The following SPOPL variants were observed in gnomAD, a reference collection of about 807,000 sequenced individuals.
The protein encoded by SPOPL is speckle type BTB/POZ protein like.
Under a neutral mutation model 53.8 loss-of-function variants are expected in SPOPL, and 23 were observed. The ratio of observed to expected loss-of-function variants is 0.43; its 90% CI spans 0.31 to 0.61. SPOPL has a LOEUF of 0.61. SPOPL is among the 20% of genes least tolerant of loss of function. The pLI is 0.12. For synonymous variants in SPOPL, 164 were observed against 149.7 expected, an observed-to-expected ratio of 1.10 and a Z score of -0.70; for missense variants, 442 against 466.9, an observed-to-expected ratio of 0.95 and a Z score of 0.49.
At position 138,572,370 on chromosome 2, in the gene SPOPL, C is replaced by T. The variant is rs1685806168; in HGVS notation, c.*3290C>T. 1 of 152,070 alleles carries T rather than the reference C, an allele frequency of 6.6e-6. No individual in the cohort carries two copies. Among genetic ancestry groups the T allele is most frequent in the South Asian group, 2.1e-4 (1 of 4,800 alleles). The allele number at this position is 152,070 out of a possible 1,614,324, so 9.4% of individuals were successfully genotyped here. ...GGATCTAAATAAGAGCTTAGATGGC[C>T]AAAATTAGAATTAATAATATACCCA... On this transcript the variant is annotated 3_prime_UTR_variant, in exon 11 of 11. Coordinates refer to ENST00000280098, the MANE Select transcript of SPOPL (RefSeq NM_001001664.3).
At chr2:138,552,829 A>G (rs1685342376) in intron 5 of SPOPL, 148 bp downstream of exon 5, 5 of 973,058 alleles carry the variant, frequency 5.1e-6, no homozygotes, top group Non-Finnish European at 1.5e-6. Context: ...AAGCTTAGAA[A>G]ATTCTTGACA....
At chr2:138,554,848 A>G (rs192002368) in intron 5 of SPOPL, among the ~76,000 whole-genome samples, 6 of 152,344 alleles carry the variant, frequency 3.9e-5, no homozygotes, top group Admixed American at 6.5e-5. Context: ...AGGTTTAACT[A>G]GCTCCTTTTT....
intron 1 of SPOPL, among the ~76,000 whole-genome samples, chr2:138,546,064 C>CT (rs1458761138): frequency 6.6e-6 from 1 of 151,888 alleles, no homozygotes; most frequent in African/African-American, 2.4e-5. Flanking sequence ...ACATGTGATT[C>CT]TTTTTTTGTT....
chr2:138,504,243 G>A (rs1684166708), intron 1 of SPOPL, among the ~76,000 whole-genome samples: 1 of 152,066 alleles, frequency 6.6e-6, no homozygotes, highest in African/African-American at 2.4e-5. Context: ...CCATACTTGG[G>A]GGTGACACTG....
At position 138,550,562 on chromosome 2, in the gene SPOPL, A is replaced by G; in HGVS notation, c.158A>G (p.Lys53Arg). ...CGAGAGGAAATGGGTGAAGTGTTAA[A>G]AAGTTCAACATTTTCATCTGGCCCA... ...FCREEMGEVL[K>R]SSTFSSGPSD... The change falls in exon 3 of 11, where the codon AAA becomes AGA. Residue 53 changes from lysine to arginine, a missense_variant. Physicochemically the swap from Lys to Arg is conservative, Grantham distance 26. Coordinates refer to ENST00000280098, the MANE Select transcript of SPOPL (RefSeq NM_001001664.3). 1 of 1,611,130 alleles carries G rather than the reference A, an allele frequency of 6.2e-7. No homozygotes were observed. Among genetic ancestry groups the G allele is most frequent in the Non-Finnish European group, 8.5e-7 (1 of 1,177,776 alleles).
chr2:138,521,486 A>T (rs1684556574), intron 1 of SPOPL, among the ~76,000 whole-genome samples: 1 of 152,142 alleles, frequency 6.6e-6, no homozygotes, highest in South Asian at 2.1e-4. Flanking sequence ...CATTAAAGCA[A>T]CAGAAATGAA....
chr2:138,541,829 A>G (rs1415445316), intron 1 of SPOPL, among the ~76,000 whole-genome samples: 1 of 152,088 alleles, frequency 6.6e-6, no homozygotes, highest in Non-Finnish European at 1.5e-5. Flanking sequence ...TTGTGATATT[A>G]GTGTGTCAAT....
intron 1 of SPOPL, among the ~76,000 whole-genome samples, chr2:138,505,046 CTT>C (rs1317583803): frequency 1.3e-5 from 2 of 152,082 alleles, no homozygotes; most frequent in Non-Finnish European, 1.5e-5. Flanking sequence ...ATCTATTACT[CTT>C]TTGCCTCTCA....
chr2:138,564,357 C>T (rs548124150), intron 8 of SPOPL: 39 of 203,538 alleles, frequency 1.9e-4, no homozygotes, highest in Admixed American at 1.2e-3. Flanking sequence ...TCCTTCAATA[C>T]TGAGTGGTGG....
At chr2:138,557,288 ATAGAT>A (rs776073804) in intron 5 of SPOPL, among the ~76,000 whole-genome samples, 6 of 152,220 alleles carry the variant, frequency 3.9e-5, no homozygotes, top group South Asian at 2.1e-4. Context: ...AATAAGGTGA[ATAGAT>A]TAGATGATTT....
intron 5 of SPOPL, chr2:138,554,473 A>G: frequency 7.8e-7 from 1 of 1,283,366 alleles, no homozygotes; most frequent in Non-Finnish European, 1.0e-6. Context: ...AGGAGGAAGC[A>G]TTGCACTACC....
chr2:138,513,882 A>G (rs1684382494), intron 1 of SPOPL, among the ~76,000 whole-genome samples: 1 of 152,204 alleles, frequency 6.6e-6, no homozygotes, highest in Non-Finnish European at 1.5e-5. Context: ...TTTAGGGTAG[A>G]GGGAATATGG....
intron 1 of SPOPL, among the ~76,000 whole-genome samples, chr2:138,533,845 A>G (rs1256722231): frequency 2.0e-5 from 3 of 152,176 alleles, no homozygotes; most frequent in African/African-American, 7.2e-5. Flanking sequence ...AGAATTAATA[A>G]ACAAAAATAC....
rs556678570 is a variant in SPOPL, at chr2:138,553,307, A to G, written c.480+626A>G. On this transcript the variant is annotated intron_variant, in intron 5 of 10. Transcript: ENST00000280098. ...TGATTTGTCCTAATTTGATGTTTGG[A>G]TTTGCTTTTGTCATGTTATCATTAG... Among the ~76,000 whole-genome samples, 3 of 152,028 alleles carry G rather than the reference A, an allele frequency of 2.0e-5. No individual in the cohort carries two copies. The South Asian group carries it at 6.2e-4, about 32-fold the overall frequency.
At chr2:138,504,385 ATGTCTATATC>A (rs1037247322) in intron 1 of SPOPL, among the ~76,000 whole-genome samples, 1 of 152,088 alleles carries the variant, frequency 6.6e-6, no homozygotes, top group Non-Finnish European at 1.5e-5. Flanking sequence ...GGCTTTCCTA[ATGTCTATATC>A]TGCATTTTTG....
chr2:138,551,086 T>G (rs1442370357), intron 4 of SPOPL, 32 bp downstream of exon 4: 2 of 1,609,360 alleles, frequency 1.2e-6, no homozygotes, highest in South Asian at 2.2e-5. Context: ...TGAAGACATT[T>G]CTGTATAACT....
At chr2:138,563,704 G>A (rs1685600231) in intron 8 of SPOPL, among the ~76,000 whole-genome samples, 1 of 152,184 alleles carries the variant, frequency 6.6e-6, no homozygotes. Context: ...CTTTGGAAAA[G>A]TGTTTGACAG....
intron 3 of SPOPL, 58 bp from the exon 4 acceptor site, chr2:138,550,845 C>CTCTCTT (rs1156706798): frequency 6.5e-7 from 1 of 1,545,974 alleles, no homozygotes; most frequent in Non-Finnish European, 8.7e-7. Context: ...CTCTCTCTCT[C>CTCTCTT]TCTCGAATGC....
intron 1 of SPOPL, among the ~76,000 whole-genome samples, chr2:138,511,901 A>C (rs1417002817): frequency 6.6e-6 from 1 of 152,338 alleles, no homozygotes; most frequent in East Asian, 1.9e-4. Flanking sequence ...ACTTTAGGGA[A>C]GTTACTTAAA....
Sources: allele counts gnomAD v4.1 joint callset (sites outside exome capture counted in the v4.1 genomes callset), GRCh38; gene constraint gnomAD v4.1.1; transcripts MANE v1.5; gene names NCBI Gene and HGNC (gene_info 2026-07-23, HGNC 2026-07-21).